TET3: variants seen among roughly 807,000 people sequenced by gnomAD.
TET3 encodes the protein methylcytosine dioxygenase TET3.
TET3 carries 19 observed loss-of-function variants against 141.4 expected under a neutral mutation model. That is an observed-to-expected ratio of 0.13 (90% CI 0.09 to 0.20). The LOEUF (loss-of-function observed/expected upper bound fraction) is 0.20. Among genes scored for constraint, TET3 ranks in the 10% least tolerant of loss-of-function variants. The probability of loss-of-function intolerance (pLI) is 1.00; values close to 1 mark genes in which losing one functional copy is unlikely to be tolerated. For missense variants in TET3, 1,874 were observed against 2,356.9 expected (o/e 0.80, Z 4.24); for synonymous variants, 1,043 against 980.9 (o/e 1.06, Z -1.18).
At chr2:74,009,777 A>G (rs1253619032) in intron 3 of TET3, among the ~76,000 whole-genome samples, 4 of 152,232 alleles carry the variant, frequency 2.6e-5, no homozygotes, top group Non-Finnish European at 1.5e-5. Context: ...CTCTATGTCA[A>G]TCATCCAGGG....
rs1036895639 is a variant in TET3, at chr2:74,034,587, A to C, written c.361-11691A>C. Among the ~76,000 whole-genome samples the C allele has an allele frequency of 1.7e-3, 252 of 152,106 alleles. 1 individual carries two copies. The highest frequency in any genetic ancestry group is 5.7e-3 in the African/African-American group (238 of 41,482). Reference sequence around the variant, plus strand: ...CTCGAGCATTGATTAAAAAAAAAAAAAAAAAAACCCTGTTGTAGATTCTGG... The same window carrying C: ...CTCGAGCATTGATTAAAAAAAAAAACAAAAAAACCCTGTTGTAGATTCTGG... On this transcript the variant is annotated intron_variant, in intron 3 of 11. Coordinates refer to ENST00000409262, the MANE Select transcript of TET3 (RefSeq NM_001287491.2).
At chr2:73,984,736 C>T (rs965437462), upstream of TET3, among the ~76,000 whole-genome samples, 2 of 150,104 alleles carry the variant, frequency 1.3e-5, no homozygotes, top group Admixed American at 1.3e-4. The surrounding 1 kb of genome is among the most constrained non-coding windows in gnomAD (Gnocchi z 5.6). Context: ...CCGGAGCCTG[C>T]CCCAAGCCGC....
chr2:74,097,575 A>C (rs957375689), intron 10 of TET3, among the ~76,000 whole-genome samples: 1 of 152,162 alleles, frequency 6.6e-6, no homozygotes, highest in African/African-American at 2.4e-5. Context: ...TCAGGGGAGC[A>C]CCGGGCCAGT....
Position 74,047,689 on chromosome 2 carries a change from G to A in TET3, c.1772G>A (p.Gly591Glu), listed in dbSNP as rs1376561379. The change falls in exon 4 of 12, where the codon GGA becomes GAA. Residue 591 changes from glycine (G) to glutamate (E), a missense_variant. Physicochemically the swap from Gly to Glu is moderately conservative, Grantham distance 98 (BLOSUM62 -2). Transcript: ENST00000409262. ...KLPTPAGGPV[G>E]TEKAAPGIKP... ...CCAACACCAGCTGGAGGTCCCGTGGGAACGGAGAAAGCTGCCCCTGGGATC... is the reference window on the plus strand; with the variant it reads ...CCAACACCAGCTGGAGGTCCCGTGGAAACGGAGAAAGCTGCCCCTGGGATC... 6.2e-7 allele frequency: 1 copy of A among 1,613,238 alleles called. No homozygotes were observed. Among genetic ancestry groups the A allele is most frequent in the African/African-American group, 1.3e-5 (1 of 74,902 alleles).
chr2:74,098,640 G>A (rs1190840676), intron 10 of TET3, among the ~76,000 whole-genome samples: 1 of 151,028 alleles, frequency 6.6e-6, no homozygotes, highest in Non-Finnish European at 1.5e-5. Flanking sequence ...TGTTGCCCAG[G>A]CTGGAGTGTA....
At chr2:74,131,414 C>G in the TET3 span, among the ~76,000 whole-genome samples, 1 of 152,144 alleles carries the variant, frequency 6.6e-6, no homozygotes, top group African/African-American at 2.4e-5. Context: ...CTCACCTTTC[C>G]CACTCTGGAT....
chr2:74,049,226 C>T (rs1461875723), intron 4 of TET3, among the ~76,000 whole-genome samples: 2 of 152,044 alleles, frequency 1.3e-5, no homozygotes, highest in African/African-American at 4.8e-5. Context: ...ACTGATAACT[C>T]GGATTGGGAG....
chr2:74,001,706 CCT>C (rs1684855616), intron 2 of TET3, among the ~76,000 whole-genome samples: 2 of 152,134 alleles, frequency 1.3e-5, no homozygotes, highest in South Asian at 2.1e-4. Context: ...CTGCCTCTCC[CCT>C]CTCTGTTCTT....
rs1325468890 is a variant in TET3 at position 74,087,835 on chromosome 2, C to T, written c.2685C>T (p.Ile895=). The change falls in exon 7 of 12, where the codon ATC becomes ATT. Residue 895 remains isoleucine (I), a synonymous_variant. Transcript: ENST00000409262. The surrounding 1 kb of genome is among the most constrained non-coding windows in gnomAD (Gnocchi z 4.3). ...CACACCCTGCGTCCCTGCAGGTGAT[C>T]CGCAGGCACACGCTGGAGGAGAAGC... The part of the protein sequence containing the change: ...SRGCPIAKWV[I]RRHTLEEKLL... 6.5e-6 allele frequency: 10 copies of T among 1,548,906 alleles called. No individual in the cohort carries two copies. Among genetic ancestry groups the T allele is most frequent in the Non-Finnish European group, 8.7e-6 (10 of 1,145,094 alleles).
At chr2:74,019,337 AT>A (rs1685906587) in intron 3 of TET3, among the ~76,000 whole-genome samples, 1 of 152,166 alleles carries the variant, frequency 6.6e-6, no homozygotes, top group African/African-American at 2.4e-5. Context: ...TTCTTCCTAG[AT>A]ATGCTGTAGC....
chr2:74,094,328 T>C (rs1397689934), intron 10 of TET3, among the ~76,000 whole-genome samples: 1 of 151,840 alleles, frequency 6.6e-6, no homozygotes, highest in South Asian at 2.1e-4. Context: ...TGGGTGTGTG[T>C]TCAGGGAACA....
At chr2:73,998,757 G>T (rs537716589) in intron 2 of TET3, among the ~76,000 whole-genome samples, 4 of 152,144 alleles carry the variant, frequency 2.6e-5, no homozygotes, top group Non-Finnish European at 4.4e-5. Flanking sequence ...CGTGGACACC[G>T]GGGACTTCAA....
chr2:74,110,460 C>G (rs911387507), downstream of TET3, among the ~76,000 whole-genome samples: 21 of 152,122 alleles, frequency 1.4e-4, no homozygotes, highest in African/African-American at 3.6e-4. Context: ...ATTCAACGTC[C>G]CATGTCCATG....
the TET3 span, among the ~76,000 whole-genome samples, chr2:74,114,846 T>G: frequency 3.1e-5 from 1 of 32,622 alleles, no homozygotes; most frequent in Non-Finnish European, 4.6e-5. Flanking sequence ...AGAGAGAGAC[T>G]CTGTCTCAAA....
chr2:74,084,017 C>G (rs187963227), intron 6 of TET3, among the ~76,000 whole-genome samples: 8 of 152,170 alleles, frequency 5.3e-5, no homozygotes, highest in Non-Finnish European at 7.3e-5. Context: ...CAGGCAATCA[C>G]GTAGAGAGTT....
intron 4 of TET3, among the ~76,000 whole-genome samples, chr2:74,061,439 C>T (rs1050193652): frequency 2.0e-5 from 3 of 148,206 alleles, no homozygotes; most frequent in South Asian, 4.2e-4. Context: ...CACCTCCCTC[C>T]CGGACGGGGC....
At chr2:74,114,853 C>CAAAAAAAAA in the TET3 span, among the ~76,000 whole-genome samples, 559 of 43,846 alleles carry the variant, frequency 0.013, 65 homozygotes, top group African/African-American at 0.022. Context: ...GACTCTGTCT[C>CAAAAAAAAA]AAAAAAAAAA....
At chr2:73,998,890 A>G (rs1294486699) in intron 2 of TET3, among the ~76,000 whole-genome samples, 1 of 152,018 alleles carries the variant, frequency 6.6e-6, no homozygotes, top group African/African-American at 2.4e-5. Flanking sequence ...CAGTGTGTGG[A>G]ACGTAGGCAT....
At chr2:74,082,695 C>T (rs2104010543) in intron 6 of TET3, among the ~76,000 whole-genome samples, 1 of 152,184 alleles carries the variant, frequency 6.6e-6, no homozygotes, top group Middle Eastern at 3.4e-3. Flanking sequence ...CTGGGGTTTT[C>T]TTTTGGCTAC....
Sources: gnomAD v4.1 joint callset for allele counts (sites outside exome capture counted in the v4.1 genomes callset) on GRCh38, gnomAD v4.1.1 for gene constraint, Gnocchi (gnomAD v3.1) non-coding constraint, MANE v1.5 for transcripts, NCBI Gene and HGNC (gene_info 2026-07-23, HGNC 2026-07-21) for gene names.